ITSN2: variants seen among roughly 807,000 people sequenced by gnomAD.
The protein encoded by ITSN2 is intersectin-2.
In ITSN2, 156 loss-of-function variants were observed where a neutral mutation model predicts 243.7. The ratio of observed to expected loss-of-function variants is 0.64; its 90% CI spans 0.56 to 0.73. ITSN2 has a LOEUF of 0.73. Among genes scored for constraint, ITSN2 ranks in the 30% least tolerant of loss-of-function variants. The pLI is 0.00. For synonymous variants in ITSN2, 703 were observed against 699.9 expected, an observed-to-expected ratio of 1.00 and a Z score of -0.07; for missense variants, 1,801 against 1,996.1, an observed-to-expected ratio of 0.90 and a Z score of 1.86.
In ITSN2 at chr2:24,211,621, A is replaced by T. The variant is rs777287565; in HGVS notation, c.4090-674T>A. On this transcript the variant is annotated intron_variant, in intron 33 of 39. Coordinates refer to ENST00000355123, the MANE Select transcript of ITSN2 (RefSeq NM_006277.3). This position sits in a 1 kb window ranked among gnomAD's most constrained non-coding sequence, Gnocchi z 4.1. ...CAGATGAGTGCACAGTCCTTCATTT[A>T]CAATTCTAAAATGCAGAACAGCCTG... is the stretch of plus-strand genomic sequence containing the variant. Among the ~76,000 whole-genome samples, 2 of 152,018 alleles carry T rather than the reference A, an allele frequency of 1.3e-5. No individual in the cohort carries two copies. Among genetic ancestry groups the T allele is most frequent in the Non-Finnish European group, 2.9e-5 (2 of 68,032 alleles).
chr2:24,210,693 C>A (rs886535440), intron 34 of ITSN2, 87 bp downstream of exon 34: 14 of 1,294,402 alleles, frequency 1.1e-5, no homozygotes, highest in Non-Finnish European at 1.1e-5. Flanking sequence ...GCCTAAGGTG[C>A]AGACTGTCCA....
Position 24,204,462 on chromosome 2 carries a change from AAACG to A in ITSN2, c.4763-48_4763-45del. On this transcript the variant is annotated intron_variant, in intron 38 of 39. Coordinates refer to ENST00000355123, the MANE Select transcript of ITSN2 (RefSeq NM_006277.3). This position sits in a 1 kb window ranked among gnomAD's most constrained non-coding sequence, Gnocchi z 5.1. ...CAGACACATGTGGTGCATGCAGGTA[AAACG>A]AAGCGACTGACAGTGCCCTCCCTGA... is the stretch of plus-strand genomic sequence containing the variant. 1.3e-6 allele frequency: 2 copies of A among 1,579,126 alleles called. No homozygotes were observed. The highest frequency in any genetic ancestry group is 1.7e-6 in the Non-Finnish European group (2 of 1,148,402).
At chr2:24,274,235 T>C (rs925729786) in intron 18 of ITSN2, among the ~76,000 whole-genome samples, 1 of 152,166 alleles carries the variant, frequency 6.6e-6, no homozygotes, top group Non-Finnish European at 1.5e-5. Context: ...CTTTCTCTAC[T>C]TCTATATTAT....
intron 2 of ITSN2, among the ~76,000 whole-genome samples, chr2:24,317,433 G>A (rs1684069845): frequency 6.6e-6 from 1 of 151,560 alleles, no homozygotes; most frequent in African/African-American, 2.4e-5. Context: ...AAACCTTTAT[G>A]CACATTCCAC....
At chr2:24,359,686 C>T (rs1412920940) in intron 1 of ITSN2, among the ~76,000 whole-genome samples, 1 of 152,256 alleles carries the variant, frequency 6.6e-6, no homozygotes, top group East Asian at 1.9e-4. Flanking sequence ...GAGATTACAT[C>T]TCTCGGTGCT....
chr2:24,285,224 GAAGAT>G (rs1306970557), intron 16 of ITSN2, among the ~76,000 whole-genome samples: 1 of 152,074 alleles, frequency 6.6e-6, no homozygotes, highest in Non-Finnish European at 1.5e-5. Context: ...ATAATATAGG[GAAGAT>G]AAGTTGGCTG....
rs761348635 is a variant in ITSN2 at position 24,328,124 on chromosome 2, TAAA to T, written c.-33-12_-33-10del. 1 of 1,607,830 alleles carries T rather than the reference TAAA, an allele frequency of 6.2e-7. No homozygotes were observed. The highest frequency in any genetic ancestry group is 8.5e-7 in the Non-Finnish European group (1 of 1,174,760). On this transcript the variant is annotated splice_polypyrimidine_tract_variant and intron_variant, in intron 1 of 39. Transcript: ENST00000355123. ...TGCTAGCTCTCAGCCATCTGCAACA[TAAA>T]AATATTGTGCCGTTGATAATACAAC...
At chr2:24,360,872 A>G (rs1688934189), upstream of ITSN2, among the ~76,000 whole-genome samples, 1 of 152,210 alleles carries the variant, frequency 6.6e-6, no homozygotes, top group Non-Finnish European at 1.5e-5. Context: ...GAAAGTCCCA[A>G]GCAGTGCCTG....
chr2:24,210,823 A>C lies in ITSN2; in HGVS notation c.4214T>G (p.Leu1405Arg), dbSNP rs766305936. 3.7e-6 allele frequency: 6 copies of C among 1,614,050 alleles called. No homozygotes were observed. The highest frequency in any genetic ancestry group is 1.3e-5 in the African/African-American group (1 of 75,020). ...GVREKENSDRLEWIQAHVQCE... is the reference protein window; with the variant it reads ...GVREKENSDRREWIQAHVQCE... ...CTGCACGTGCGCCTGGATCCACTCC[A>C]GTCGGTCCGAGTTTTCCTTCTCCCG... is the stretch of plus-strand genomic sequence containing the variant. The change falls in exon 34 of 40, where the codon CTG becomes CGG. Residue 1405 changes from leucine (L) to arginine (R), a missense_variant. Leu to Arg is a moderately radical substitution (Grantham distance 102). Transcript: ENST00000355123.
At chr2:24,206,281 T>TAA (rs770812083) in intron 37 of ITSN2, 1 of 434,724 alleles carries the variant, frequency 2.3e-6, no homozygotes, top group African/African-American at 2.1e-5. Context: ...GAAACCTGAA[T>TAA]AAAAAAACAC....
At chr2:24,331,380 T>G (rs1171761896) in intron 1 of ITSN2, among the ~76,000 whole-genome samples, 1 of 152,046 alleles carries the variant, frequency 6.6e-6, no homozygotes, top group African/African-American at 2.4e-5. Flanking sequence ...GCCTACTTTT[T>G]TTTTTTTTAA....
intron 22 of ITSN2, among the ~76,000 whole-genome samples, chr2:24,260,126 G>A (rs1675620332): frequency 6.6e-6 from 1 of 152,038 alleles, no homozygotes; most frequent in Non-Finnish European, 1.5e-5. Flanking sequence ...TTGCTGTATT[G>A]CCCAGGTTGA....
chr2:24,333,242 G>A (rs1040709263), intron 1 of ITSN2, among the ~76,000 whole-genome samples: 1 of 152,186 alleles, frequency 6.6e-6, no homozygotes, highest in African/African-American at 2.4e-5. Context: ...AACAGCAGGA[G>A]AACTTACTGT....
intron 1 of ITSN2, among the ~76,000 whole-genome samples, chr2:24,336,037 C>G (rs1184579363): frequency 6.6e-6 from 1 of 151,464 alleles, no homozygotes; most frequent in Non-Finnish European, 1.5e-5. Flanking sequence ...GTCAGGAGAT[C>G]GAGACCATCC....
At chr2:24,301,850 T>C (rs1681789770) in intron 10 of ITSN2, 115 bp downstream of exon 10, 2 of 1,035,130 alleles carry the variant, frequency 1.9e-6, no homozygotes, top group Admixed American at 2.9e-5. Context: ...TGTACCCTTT[T>C]CAAGTATAAC....
Position 24,211,616 on chromosome 2 carries a change from C to T in ITSN2, c.4090-669G>A, listed in dbSNP as rs1056012642. Among the ~76,000 whole-genome samples, 2 of 152,004 alleles carry T rather than the reference C, an allele frequency of 1.3e-5. No homozygotes were observed. The highest frequency in any genetic ancestry group is 2.9e-5 in the Non-Finnish European group (2 of 68,036). ...CTAGTCAGATGAGTGCACAGTCCTT[C>T]ATTTACAATTCTAAAATGCAGAACA... On this transcript the variant is annotated intron_variant, in intron 33 of 39. Coordinates refer to ENST00000355123, the MANE Select transcript of ITSN2 (RefSeq NM_006277.3). This position sits in a 1 kb window ranked among gnomAD's most constrained non-coding sequence, Gnocchi z 4.1.
intron 2 of ITSN2, among the ~76,000 whole-genome samples, chr2:24,318,901 C>T (rs548986844): frequency 6.6e-5 from 10 of 152,296 alleles, no homozygotes; most frequent in Non-Finnish European, 8.8e-5. Context: ...ACCACCTGAG[C>T]GGCACCTCCT....
intron 28 of ITSN2, 54 bp from the exon 29 acceptor site, chr2:24,246,374 G>C: frequency 1.9e-6 from 2 of 1,047,154 alleles, no homozygotes; most frequent in South Asian, 3.5e-5. Context: ...TTCCTGCAAG[G>C]GTCAATCATT....
intron 30 of ITSN2, among the ~76,000 whole-genome samples, chr2:24,220,149 C>T (rs781670394): frequency 1.2e-4 from 18 of 152,174 alleles, no homozygotes; most frequent in Non-Finnish European, 1.8e-4. Flanking sequence ...CGCAGAAGGA[C>T]GCAGCCTCTG....
Sources: allele counts gnomAD v4.1 joint callset (sites outside exome capture counted in the v4.1 genomes callset), GRCh38; gene constraint gnomAD v4.1.1; non-coding constraint Gnocchi (gnomAD v3.1); transcripts MANE v1.5; gene names NCBI Gene and HGNC (gene_info 2026-07-23, HGNC 2026-07-21).